The following MXI1 variants were observed in gnomAD, a reference collection of about 807,000 sequenced individuals.
The protein encoded by MXI1 is max-interacting protein 1.
In MXI1, 18 loss-of-function variants were observed where a neutral mutation model predicts 36.9. The ratio of observed to expected loss-of-function variants is 0.49; its 90% CI spans 0.34 to 0.72. The LOEUF (loss-of-function observed/expected upper bound fraction) is 0.72, where lower values mean the gene tolerates loss of function less well. MXI1 is among the 30% of genes least tolerant of loss of function. The probability of loss-of-function intolerance (pLI) is 0.01; values close to 1 mark genes in which losing one functional copy is unlikely to be tolerated. For synonymous variants in MXI1, 160 were observed against 146.7 expected (o/e 1.09, Z -0.65); for missense variants, 304 against 379.1 (o/e 0.80, Z 1.64).
In MXI1 at chr10:110,207,701, C is replaced by A; in HGVS notation, c.-108C>A. On this transcript the variant is annotated 5_prime_UTR_variant, in exon 1 of 6. Transcript: ENST00000332674. ...CTCGGGAAGTCAGGCCGGCTTTTCGCCCCGGCGCCTTCTCTGCTCCAGCCG... is the reference window on the plus strand; with the variant it reads ...CTCGGGAAGTCAGGCCGGCTTTTCGACCCGGCGCCTTCTCTGCTCCAGCCG... The A allele has an allele frequency of 4.3e-6, 3 of 700,990 alleles. No homozygotes were observed. The highest frequency in any genetic ancestry group is 5.9e-5 in the South Asian group (1 of 16,896). 43.4% of individuals were successfully genotyped at this position (700,990 alleles called of 1,614,324 possible).
chr10:110,267,538 C>T (rs1024099198), intron 3 of MXI1, among the ~76,000 whole-genome samples: 1 of 152,112 alleles, frequency 6.6e-6, no homozygotes, highest in Non-Finnish European at 1.5e-5. Context: ...CACAATTATT[C>T]CTTTACAGAA....
chr10:110,281,975 T>C (rs1857266868), intron 5 of MXI1, among the ~76,000 whole-genome samples: 2 of 152,196 alleles, frequency 1.3e-5, no homozygotes, highest in South Asian at 4.1e-4. Context: ...AAATAGTGAT[T>C]TTCTAATTGT....
At chr10:110,264,687 T>G (rs1243340622) in intron 3 of MXI1, among the ~76,000 whole-genome samples, 1 of 152,218 alleles carries the variant, frequency 6.6e-6, no homozygotes, top group African/African-American at 2.4e-5. Flanking sequence ...CTTGAGATCA[T>G]AAAATTTTAA....
intron 1 of MXI1, chr10:110,210,360 G>C: frequency 1.1e-6 from 1 of 889,476 alleles, no homozygotes; most frequent in Non-Finnish European, 1.3e-6. Flanking sequence ...TCCTCCGGCC[G>C]GCTCCCGGCG....
intron 1 of MXI1, among the ~76,000 whole-genome samples, chr10:110,212,647 C>G (rs1052265262): frequency 6.6e-6 from 1 of 152,204 alleles, no homozygotes; most frequent in Non-Finnish European, 1.5e-5. Flanking sequence ...TGCTTACTGG[C>G]TTTGTGACTT....
chr10:110,267,298 T>C (rs1466487089), intron 3 of MXI1, among the ~76,000 whole-genome samples: 2 of 152,218 alleles, frequency 1.3e-5, no homozygotes, highest in Non-Finnish European at 2.9e-5. Context: ...TGATAAAATA[T>C]TGCTATTGGG....
In MXI1 at chr10:110,285,157, A is replaced by G; in HGVS notation, c.*170A>G. On this transcript the variant is annotated 3_prime_UTR_variant, in exon 6 of 6. Coordinates refer to ENST00000332674, the MANE Select transcript of MXI1 (RefSeq NM_130439.3). ...AGGACCTGTATTTAAGCAAATACTTAGCAAAAAGTGGGGCAGAGCCTCCCA... is the reference window on the plus strand; with the variant it reads ...AGGACCTGTATTTAAGCAAATACTTGGCAAAAAGTGGGGCAGAGCCTCCCA... 2 of 544,918 alleles carry G rather than the reference A, an allele frequency of 3.7e-6. No individual in the cohort carries two copies. The highest frequency in any genetic ancestry group is 5.1e-4 in the Middle Eastern group (1 of 1,962). 33.8% of individuals were successfully genotyped at this position (544,918 alleles called of 1,614,324 possible).
intron 1 of MXI1, among the ~76,000 whole-genome samples, chr10:110,222,250 A>G (rs1323347629): frequency 2.6e-5 from 4 of 152,182 alleles, no homozygotes; most frequent in African/African-American, 9.7e-5. Flanking sequence ...GAAAACGCCC[A>G]TCCTTAAAGA....
At chr10:110,229,772 T>TA (rs1855195548) in intron 2 of MXI1, among the ~76,000 whole-genome samples, 1 of 152,176 alleles carries the variant, frequency 6.6e-6, no homozygotes, top group South Asian at 2.1e-4. Context: ...TGCTTGCCCT[T>TA]ACGGTTTCAG....
intron 1 of MXI1, chr10:110,208,607 G>A (rs1345110409): frequency 6.6e-6 from 1 of 152,344 alleles, no homozygotes; most frequent in Non-Finnish European, 1.5e-5. Context: ...TCCACGGCGT[G>A]GGCTCGGCTC....
intron 2 of MXI1, among the ~76,000 whole-genome samples, chr10:110,240,582 T>G (rs889699642): frequency 1.1e-4 from 17 of 152,056 alleles, no homozygotes; most frequent in African/African-American, 3.4e-4. Context: ...AAAAGAAGAA[T>G]AATAATAAAT....
At chr10:110,213,088 T>G (rs2134324401) in intron 1 of MXI1, among the ~76,000 whole-genome samples, 1 of 152,312 alleles carries the variant, frequency 6.6e-6, no homozygotes, top group Middle Eastern at 3.4e-3. Context: ...TCCGAAGATT[T>G]GGAGACGAGT....
intron 2 of MXI1, among the ~76,000 whole-genome samples, chr10:110,232,068 C>G (rs959470324): frequency 6.6e-6 from 1 of 152,096 alleles, no homozygotes; most frequent in East Asian, 1.9e-4. Flanking sequence ...TCACGCCATT[C>G]TCCTGCCTCA....
intron 1 of MXI1, among the ~76,000 whole-genome samples, chr10:110,215,043 G>GTTTTTTTTTTTTT (rs200181611): frequency 1.3e-5 from 1 of 78,906 alleles, no homozygotes. Flanking sequence ...TTTTTTTTTT[G>GTTTTTTTTTTTTT]TTTTTTTTTT....
At chr10:110,220,045 G>T (rs1854760935) in intron 1 of MXI1, among the ~76,000 whole-genome samples, 1 of 152,222 alleles carries the variant, frequency 6.6e-6, no homozygotes, top group African/African-American at 2.4e-5. Context: ...AGTGTGATGG[G>T]ATTGCCCTTG....
intron 3 of MXI1, among the ~76,000 whole-genome samples, chr10:110,277,550 A>G (rs924188801): frequency 7.2e-5 from 11 of 152,228 alleles, no homozygotes; most frequent in Admixed American, 2.0e-4. Flanking sequence ...TAAAGGTTCT[A>G]TGCATTTGGG....
chr10:110,210,736 C>T (rs1294332281), intron 1 of MXI1, among the ~76,000 whole-genome samples: 3 of 152,256 alleles, frequency 2.0e-5, no homozygotes, highest in Non-Finnish European at 4.4e-5. Context: ...CTTCTTCGCG[C>T]TGGCGGCGCT....
intron 1 of MXI1, among the ~76,000 whole-genome samples, chr10:110,215,122 A>G (rs1235875913): frequency 7.0e-6 from 1 of 142,314 alleles, no homozygotes; most frequent in Non-Finnish European, 1.5e-5. Flanking sequence ...GCTCACTGCA[A>G]CCTCCACCTC....
Position 110,284,825 on chromosome 10 carries a change from G to A in MXI1, c.726G>A (p.Glu242=). 6.3e-7 allele frequency: 1 copy of A among 1,594,512 alleles called. No homozygotes were observed. Among genetic ancestry groups the A allele is most frequent in the Non-Finnish European group, 8.5e-7 (1 of 1,173,340 alleles). ...ISSDRSDSER[E]EIEVDVESTE... The stretch of plus-strand genomic sequence containing the variant: ...TCTTTTTTTTTTTTCCTTTGGCAGA[G>A]GAGATTGAAGTGGATGTTGAAAGCA... The change falls in exon 6 of 6, where the codon GAG becomes GAA. Residue 242 remains glutamate, a splice_region_variant and synonymous_variant. Coordinates refer to ENST00000332674, the MANE Select transcript of MXI1 (RefSeq NM_130439.3).
Sources: gnomAD v4.1 joint callset for allele counts (sites outside exome capture counted in the v4.1 genomes callset) on GRCh38, gnomAD v4.1.1 for gene constraint, MANE v1.5 for transcripts, NCBI Gene and HGNC (gene_info 2026-07-23, HGNC 2026-07-21) for gene names.